DCHS2: variants seen among roughly 807,000 people sequenced by gnomAD.
The protein encoded by DCHS2 is dachsous cadherin-related 2.
DCHS2 carries 142 observed loss-of-function variants against 182.4 expected under a neutral mutation model. That is an observed-to-expected ratio of 0.78 (90% CI 0.68 to 0.89). The LOEUF (loss-of-function observed/expected upper bound fraction) is 0.89. Among genes scored for constraint, DCHS2 ranks in the 40% least tolerant of loss-of-function variants. The pLI, the probability that DCHS2 is intolerant of heterozygous loss-of-function variation, is 0.00. For synonymous variants in DCHS2, 1,740 were observed against 1,663.3 expected (o/e 1.05, Z -1.12); for missense variants, 4,319 against 4,198.6 (o/e 1.03, Z -0.79).
At chr4:154,256,143 G>GTTATA (rs1477380874) in intron 15 of DCHS2, among the ~76,000 whole-genome samples, 2 of 151,918 alleles carry the variant, frequency 1.3e-5, no homozygotes, top group Non-Finnish European at 2.9e-5. Flanking sequence ...TGTATTTAAA[G>GTTATA]TTTTATTTTA....
At chr4:154,371,982 A>C (rs1730668726) in intron 2 of DCHS2, among the ~76,000 whole-genome samples, 1 of 152,318 alleles carries the variant, frequency 6.6e-6, no homozygotes, top group South Asian at 2.1e-4. Flanking sequence ...AAACCACATC[A>C]GTAAGAGATT....
chr4:154,240,565 G>C lies in DCHS2; in HGVS notation c.7331C>G (p.Pro2444Arg), dbSNP rs1359536067. 1 of 1,613,552 alleles carries C rather than the reference G, an allele frequency of 6.2e-7. No individual in the cohort carries two copies. The highest frequency in any genetic ancestry group is 8.5e-7 in the Non-Finnish European group (1 of 1,179,822). The stretch of plus-strand genomic sequence containing the variant: ...ATAGAAATCTTGAGAAAACACTGGT[G>C]GATTATCATTGACATCCAGCACACG... ...VVRVLDVNDN[P>R]PVFSQDFYQV... is the part of the protein sequence containing the mutation. Residue 2444 changes from proline (P) to arginine (R), a missense_variant, in exon 18 of 20, where the codon CCA (proline) becomes CGA (arginine). Physicochemically the swap from Pro to Arg is moderately radical, Grantham distance 103. Coordinates refer to ENST00000357232, the MANE Select transcript of DCHS2 (RefSeq NM_001358235.2).
intron 1 of DCHS2, among the ~76,000 whole-genome samples, chr4:154,404,712 G>A (rs2404479): frequency 0.58 from 88,215 of 152,078 alleles, 30,927 homozygotes; most frequent in Non-Finnish European, 0.75. Flanking sequence ...AGGTCCATGC[G>A]CATTTGGGTT....
chr4:154,274,908 C>CA (rs201955784), intron 13 of DCHS2, among the ~76,000 whole-genome samples: 17 of 151,226 alleles, frequency 1.1e-4, no homozygotes, highest in East Asian at 1.9e-4. Flanking sequence ...AAAATAACAA[C>CA]AAAAAAAACA....
intron 3 of DCHS2, among the ~76,000 whole-genome samples, chr4:154,362,079 CT>C (rs1730151204): frequency 6.6e-6 from 1 of 152,094 alleles, no homozygotes; most frequent in African/African-American, 2.4e-5. Context: ...ACATCTCAAC[CT>C]GCCTATATAA....
intron 7 of DCHS2, among the ~76,000 whole-genome samples, chr4:154,325,292 G>A (rs1176875267): frequency 6.7e-6 from 1 of 149,792 alleles, no homozygotes; most frequent in Non-Finnish European, 1.5e-5. Flanking sequence ...CTTTTAAATA[G>A]TGGTATTATA....
chr4:154,445,533 G>A (rs779266165), intron 1 of DCHS2, among the ~76,000 whole-genome samples: 5 of 152,166 alleles, frequency 3.3e-5, no homozygotes, highest in Non-Finnish European at 5.9e-5. Context: ...AGGCCAGGCC[G>A]GGCATGGTGG....
chr4:154,340,961 A>C (rs903465389), intron 3 of DCHS2, among the ~76,000 whole-genome samples: 1 of 152,258 alleles, frequency 6.6e-6, no homozygotes, highest in Non-Finnish European at 1.5e-5. Context: ...AGCTATTATG[A>C]AGAGGGCTTA....
intron 1 of DCHS2, among the ~76,000 whole-genome samples, chr4:154,385,872 T>C (rs1327545628): frequency 6.6e-6 from 1 of 152,086 alleles, no homozygotes; most frequent in East Asian, 1.9e-4. Flanking sequence ...CCCTGAGTGG[T>C]CTGACCAGCC....
rs1163133726 is a variant in DCHS2, at chr4:154,298,472, C to A, written c.5842G>T (p.Val1948Leu). 1 of 1,614,184 alleles carries A rather than the reference C, an allele frequency of 6.2e-7. No individual in the cohort carries two copies. The highest frequency in any genetic ancestry group is 1.7e-5 in the Admixed American group (1 of 60,022). ...GAAAGCACAAGAACCACTGTTCCCACTTCAGCATCTTCTCTCACAGAGGAC... is the reference window on the plus strand; with the variant it reads ...GAAAGCACAAGAACCACTGTTCCCAATTCAGCATCTTCTCTCACAGAGGAC... ...YQSSVREDAE[V>L]GTVVLVLSAV... Residue 1948 changes from valine (V) to leucine (L), a missense_variant, in exon 13 of 20, where the codon GTG (valine) becomes TTG (leucine). By Grantham distance (32) the Val-to-Leu change is conservative. Transcript: ENST00000357232.
intron 1 of DCHS2, among the ~76,000 whole-genome samples, chr4:154,391,470 T>C (rs1357919015): frequency 6.6e-6 from 1 of 152,134 alleles, no homozygotes; most frequent in Admixed American, 6.5e-5. Context: ...GATGCTGAGT[T>C]TGCAGGAGGA....
At position 154,242,736 on chromosome 4, in the gene DCHS2, C is replaced by T; in HGVS notation, c.6978G>A (p.Arg2326=). The change falls in exon 17 of 20, where the codon AGG becomes AGA. Residue 2326 remains arginine (R), a synonymous_variant. Coordinates refer to ENST00000357232, the MANE Select transcript of DCHS2 (RefSeq NM_001358235.2). ...IVQATDKGMP[R]LSNTTVIKVQ... is the part of the protein sequence containing the mutation. ...CCTTGATTACAGTCGTATTAGAAAG[C>T]CTGGGCATCCCTTTATCTGTGGCTT... 1.9e-6 allele frequency: 3 copies of T among 1,612,434 alleles called. No individual in the cohort carries two copies. Among genetic ancestry groups the T allele is most frequent in the Non-Finnish European group, 2.5e-6 (3 of 1,179,178 alleles).
At position 154,490,871 on chromosome 4, in the gene DCHS2, T is replaced by G. The variant is rs1452704752; in HGVS notation, c.485A>C (p.Asp162Ala). ...QVEIRVNDVNDHSPRFPLDSL... is the reference protein window; with the variant it reads ...QVEIRVNDVNAHSPRFPLDSL... ...GTCGAGGGGAAAGCGGGGCGAGTGG[T>G]CATTCACGTCGTTGACGCGAATCTC... The change falls in exon 1 of 20, where the codon GAC becomes GCC. Residue 162 changes from aspartate (D) to alanine (A), a missense_variant. By Grantham distance (126) the Asp-to-Ala change is moderately radical (BLOSUM62 -2). Transcript: ENST00000357232. The G allele has an allele frequency of 4.5e-6, 7 of 1,551,424 alleles. No individual in the cohort carries two copies. Among genetic ancestry groups the G allele is most frequent in the Non-Finnish European group, 6.1e-6 (7 of 1,146,892 alleles).
chr4:154,381,704 A>G (rs1731176948), intron 1 of DCHS2, among the ~76,000 whole-genome samples: 1 of 152,172 alleles, frequency 6.6e-6, no homozygotes, highest in African/African-American at 2.4e-5. Context: ...AAAAAATAAA[A>G]TACCTAGGAA....
At position 154,234,649 on chromosome 4, in the gene DCHS2, A is replaced by T; in HGVS notation, c.10003T>A (p.Leu3335Met). The T allele has an allele frequency of 6.2e-7, 1 of 1,614,068 alleles. No individual in the cohort carries two copies. Among genetic ancestry groups the T allele is most frequent in the Non-Finnish European group, 8.5e-7 (1 of 1,179,944 alleles). Reference protein sequence around the residue: ...TPNFSPSLSLLTMQPPALSPL... With the variant: ...TPNFSPSLSLMTMQPPALSPL... ...GACAAGGCAGGAGGCTGCATCGTCAATAGGGAAAGAGATGGAGAAAAATTG... is the reference window on the plus strand; with the variant it reads ...GACAAGGCAGGAGGCTGCATCGTCATTAGGGAAAGAGATGGAGAAAAATTG... The change falls in exon 20 of 20, where the codon TTG becomes ATG. Residue 3335 changes from leucine to methionine, a missense_variant. Coordinates refer to ENST00000357232, the MANE Select transcript of DCHS2 (RefSeq NM_001358235.2).
At position 154,315,818 on chromosome 4, in the gene DCHS2, T is replaced by C; in HGVS notation, c.5190A>G (p.Glu1730=). Residue 1730 remains glutamate (E), a synonymous_variant, in exon 10 of 20, where the codon GAA becomes GAG. Transcript: ENST00000357232. ...GATTTTGGTTTTCTTTCACTGAGGC[T>C]TCATACAGGTGCTGCTTAAATACTG... is the stretch of plus-strand genomic sequence containing the variant. The part of the protein sequence containing the change: ...EAPVFKQHLY[E]ASVKENQNPG... 1 of 1,614,068 alleles carries C rather than the reference T, an allele frequency of 6.2e-7. No individual in the cohort carries two copies. The highest frequency in any genetic ancestry group is 1.1e-5 in the South Asian group (1 of 91,082).
At chr4:154,381,641 A>T (rs1731173783) in intron 1 of DCHS2, among the ~76,000 whole-genome samples, 1 of 152,126 alleles carries the variant, frequency 6.6e-6, no homozygotes, top group African/African-American at 2.4e-5. Context: ...TACAGCAATA[A>T]TGTTCAAGCT....
chr4:154,274,144 G>C (rs1043654578), intron 13 of DCHS2, among the ~76,000 whole-genome samples: 6 of 152,170 alleles, frequency 3.9e-5, no homozygotes, highest in African/African-American at 1.4e-4. Context: ...GCCTATCGCT[G>C]TCAGCAGGGA....
intron 18 of DCHS2, among the ~76,000 whole-genome samples, chr4:154,239,816 C>CT (rs1731713759): frequency 6.6e-6 from 1 of 152,026 alleles, no homozygotes; most frequent in East Asian, 1.9e-4. Flanking sequence ...GCCAGAAAAA[C>CT]TAAGTTTTAA....
Sources: gnomAD v4.1 joint callset for allele counts (sites outside exome capture counted in the v4.1 genomes callset) on GRCh38, gnomAD v4.1.1 for gene constraint, MANE v1.5 for transcripts, NCBI Gene and HGNC (gene_info 2026-07-23, HGNC 2026-07-21) for gene names.